Variants in DOCK5 observed in about 807,000 individuals in gnomAD.
The protein encoded by DOCK5 is dedicator of cytokinesis 5, also known as dedicator of cytokinesis protein 5.
DOCK5 carries 142 observed loss-of-function variants against 251.8 expected under a neutral mutation model. That is an observed-to-expected ratio of 0.56 (90% CI 0.49 to 0.65). The LOEUF (loss-of-function observed/expected upper bound fraction) is 0.65. DOCK5 is among the 30% of genes least tolerant of loss of function. The pLI is 0.00. For missense variants in DOCK5, 2,111 were observed against 2,312.3 expected (o/e 0.91, Z 1.79); for synonymous variants, 842 against 835.5 (o/e 1.01, Z -0.13).
chr8:25,276,661 GTTTTC>G (rs139099066), intron 4 of DOCK5, among the ~76,000 whole-genome samples: 2,951 of 152,076 alleles, frequency 0.019, 82 homozygotes, highest in African/African-American at 0.064. Context: ...CTTTTCTTTT[GTTTTC>G]TTTTCTTTTT....
chr8:25,310,641 T>G, intron 13 of DOCK5, 109 bp downstream of exon 13: 1 of 1,327,444 alleles, frequency 7.5e-7, no homozygotes, highest in Non-Finnish European at 1.0e-6. Flanking sequence ...TTACATTCAT[T>G]GGTCCTGAGA....
chr8:25,191,081 G>A (rs990837109), intron 1 of DOCK5, among the ~76,000 whole-genome samples: 2 of 152,154 alleles, frequency 1.3e-5, no homozygotes, highest in South Asian at 2.1e-4. Context: ...TATTCATTGA[G>A]AACTTCTCTT....
intron 1 of DOCK5, among the ~76,000 whole-genome samples, chr8:25,221,124 C>T (rs1413623797): frequency 2.6e-5 from 4 of 152,166 alleles, no homozygotes; most frequent in Non-Finnish European, 5.9e-5. Flanking sequence ...CAGTCCCCCC[C>T]ATTGTTGGGT....
chr8:25,398,853 G>A (rs1335042091), intron 45 of DOCK5, among the ~76,000 whole-genome samples: 1 of 149,446 alleles, frequency 6.7e-6, no homozygotes, highest in African/African-American at 2.5e-5. Context: ...AAGGTACCAG[G>A]CATTAGGACT....
chr8:25,269,574 T>C (rs2117116444), intron 3 of DOCK5, among the ~76,000 whole-genome samples: 1 of 152,370 alleles, frequency 6.6e-6, no homozygotes, highest in East Asian at 1.9e-4. Flanking sequence ...TGAAAAATAC[T>C]GACCTAAATG....
At chr8:25,336,906 T>C (rs1805825377) in intron 22 of DOCK5, among the ~76,000 whole-genome samples, 2 of 152,190 alleles carry the variant, frequency 1.3e-5, no homozygotes, top group South Asian at 4.1e-4. Context: ...CCAGTGACTT[T>C]CCTACCCTTC....
At chr8:25,276,822 T>G (rs906028866) in intron 4 of DOCK5, 1 of 152,182 alleles carries the variant, frequency 6.6e-6, no homozygotes, top group Non-Finnish European at 1.5e-5. Context: ...GTGAAATTGG[T>G]AACAGATATT....
chr8:25,205,063 T>TA (rs1801968103), intron 1 of DOCK5, among the ~76,000 whole-genome samples: 1 of 152,090 alleles, frequency 6.6e-6, no homozygotes, highest in Non-Finnish European at 1.5e-5. Context: ...TGTCTTTTAT[T>TA]AAAAAGTTAA....
chr8:25,336,307 T>C lies in DOCK5; in HGVS notation c.2261T>C (p.Phe754Ser). The change falls in exon 22 of 52, where the codon TTT becomes TCT. Residue 754 changes from phenylalanine (F) to serine (S), a missense_variant. By Grantham distance (155) the Phe-to-Ser change is radical. This residue lies in a region of DOCK5 where 1,717 missense variants were observed against 1,892.4 expected (regional missense o/e 0.91). Coordinates refer to ENST00000276440, the MANE Select transcript of DOCK5 (RefSeq NM_024940.8). ...ADDSSKTELL[F>S]AALKALKYLF... ...GACTCCAGCAAGACTGAACTGCTTT[T>C]TGCTGCGTTGAAAGCCTTGAAGTAC... 1 of 1,613,964 alleles carries C rather than the reference T, an allele frequency of 6.2e-7. No individual in the cohort carries two copies. Among genetic ancestry groups the C allele is most frequent in the Non-Finnish European group, 8.5e-7 (1 of 1,179,874 alleles).
At chr8:25,280,890 T>C (rs1043810594) in intron 5 of DOCK5, among the ~76,000 whole-genome samples, 1 of 152,132 alleles carries the variant, frequency 6.6e-6, no homozygotes, top group African/African-American at 2.4e-5. Context: ...GAATTGCGTG[T>C]ACGTGGGTTG....
intron 14 of DOCK5, among the ~76,000 whole-genome samples, chr8:25,317,850 A>C (rs1020448049): frequency 2.0e-5 from 3 of 152,084 alleles, no homozygotes; most frequent in African/African-American, 7.2e-5. Flanking sequence ...TGACCTTGTG[A>C]TCCACCTACC....
At chr8:25,342,779 A>C (rs534419111) in intron 25 of DOCK5, among the ~76,000 whole-genome samples, 54 of 136,208 alleles carry the variant, frequency 4.0e-4, no homozygotes, top group African/African-American at 1.4e-3. Context: ...GCTCACTGCA[A>C]CCTCGGCCTC....
chr8:25,348,020 A>T (rs1356149326), intron 26 of DOCK5, among the ~76,000 whole-genome samples: 3 of 152,232 alleles, frequency 2.0e-5, no homozygotes, highest in Admixed American at 2.0e-4. Context: ...ATTCAAAATT[A>T]TCGATCTTGG....
intron 15 of DOCK5, among the ~76,000 whole-genome samples, chr8:25,320,548 C>A (rs1184870741): frequency 6.6e-6 from 1 of 152,198 alleles, no homozygotes; most frequent in Admixed American, 6.6e-5. Flanking sequence ...TTTCTTCTCT[C>A]CCCTGTAGAT....
In DOCK5 at chr8:25,251,972, G is replaced by A. The variant is rs190374974; in HGVS notation, c.127+8215G>A. ...CGTGCCATTGCACTCCAACCTGGGT[G>A]ACACAGCAAGACTCTATCTCAAAAA... On this transcript the variant is annotated intron_variant, in intron 2 of 51. Transcript: ENST00000276440. Among the ~76,000 whole-genome samples, 1,238 of 145,652 alleles carry A rather than the reference G, an allele frequency of 8.5e-3. 7 individuals are homozygous for A. The highest frequency in any genetic ancestry group is 0.014 in the Non-Finnish European group (939 of 67,208).
At chr8:25,302,739 G>A (rs1804800411) in intron 10 of DOCK5, among the ~76,000 whole-genome samples, 1 of 152,150 alleles carries the variant, frequency 6.6e-6, no homozygotes, top group African/African-American at 2.4e-5. Context: ...TAAACAGGAC[G>A]GGAATTTTGA....
At chr8:25,399,631 C>A (rs897110873) in intron 45 of DOCK5, among the ~76,000 whole-genome samples, 1 of 152,096 alleles carries the variant, frequency 6.6e-6, no homozygotes, top group Non-Finnish European at 1.5e-5. Flanking sequence ...TGACGTTTTG[C>A]TTTGTTGATG....
intron 1 of DOCK5, among the ~76,000 whole-genome samples, chr8:25,190,698 C>T (rs1220808118): frequency 6.6e-6 from 1 of 151,096 alleles, no homozygotes; most frequent in East Asian, 1.9e-4. Flanking sequence ...TGTTGACCAC[C>T]TCTTTGCACA....
chr8:25,302,705 C>A (rs534450262), intron 10 of DOCK5, among the ~76,000 whole-genome samples: 1 of 152,168 alleles, frequency 6.6e-6, no homozygotes, highest in Admixed American at 6.5e-5. Context: ...GTGGTGTGTA[C>A]GCACAATGGA....
Sources: gnomAD v4.1 joint callset for allele counts (sites outside exome capture counted in the v4.1 genomes callset) on GRCh38, gnomAD v4.1.1 for gene constraint, gnomAD v4.1.1 regional missense constraint, MANE v1.5 for transcripts, NCBI Gene and HGNC (gene_info 2026-07-23, HGNC 2026-07-21) for gene names.